The following SCN9A variants were observed in gnomAD, a reference collection of about 807,000 sequenced individuals.
SCN9A encodes sodium voltage-gated channel alpha subunit 9, also known as sodium channel protein type 9 subunit alpha.
SCN9A carries 131 observed loss-of-function variants against 187.0 expected under a neutral mutation model. The observed-to-expected ratio is 0.70, with a 90% CI of 0.61 to 0.81. SCN9A has a LOEUF of 0.81. Ranked by LOEUF, SCN9A falls within the 30% of genes least tolerant of loss-of-function variation. The pLI, the probability that SCN9A is intolerant of heterozygous loss-of-function variation, is 0.00. For missense variants in SCN9A, 2,252 were observed against 2,396.6 expected (o/e 0.94, Z 1.26); for synonymous variants, 809 against 808.6 (o/e 1.00, Z -0.01).
At chr2:166,289,934 A>G (rs183697371) in intron 9 of SCN9A, among the ~76,000 whole-genome samples, 2 of 152,148 alleles carry the variant, frequency 1.3e-5, no homozygotes, top group African/African-American at 4.8e-5. Context: ...GTTATGGGAT[A>G]CATGTGAAGA....
intron 5 of SCN9A, among the ~76,000 whole-genome samples, chr2:166,305,264 T>C (rs1037124483): frequency 6.6e-6 from 1 of 152,108 alleles, no homozygotes; most frequent in African/African-American, 2.4e-5. Context: ...AATTATACTG[T>C]AATGTAATAT....
intron 24 of SCN9A, among the ~76,000 whole-genome samples, chr2:166,216,958 G>T (rs1694356056): frequency 6.6e-6 from 1 of 151,792 alleles, no homozygotes; most frequent in Non-Finnish European, 1.5e-5. Flanking sequence ...AGCTAGAGGT[G>T]CAATACTCTG....
At chr2:166,259,500 T>C (rs1318788964) in intron 17 of SCN9A, among the ~76,000 whole-genome samples, 1 of 151,778 alleles carries the variant, frequency 6.6e-6, no homozygotes, top group Non-Finnish European at 1.5e-5. Flanking sequence ...AAACAATCAA[T>C]TAAACAGTTA....
rs939334143 is a variant in SCN9A, at chr2:166,303,999, A to G, written c.688+239T>C. On this transcript the variant is annotated intron_variant, in intron 6 of 26. Transcript: ENST00000642356. ...TTTATGTCTTTCTTTCAAAAGATCA[A>G]AGTCAGCCCTGGTGTTTAACCCCAC... 2.5e-6 allele frequency: 4 copies of G among 1,592,580 alleles called. No individual in the cohort carries two copies. The African/African-American group carries it at 4.0e-5, about 16-fold the overall frequency.
chr2:166,371,383 T>C (rs990899731), intron 1 of SCN9A, among the ~76,000 whole-genome samples: 1 of 152,192 alleles, frequency 6.6e-6, no homozygotes, highest in Non-Finnish European at 1.5e-5. Flanking sequence ...CCTGGCATTT[T>C]TCCTCACCAC....
At chr2:166,211,144 G>A (rs1182094076) in intron 24 of SCN9A, among the ~76,000 whole-genome samples, 7 of 151,858 alleles carry the variant, frequency 4.6e-5, no homozygotes, top group Non-Finnish European at 8.8e-5. Context: ...AAAGCAGCAA[G>A]AAAAAAACTG....
At chr2:166,221,802 C>T (rs1258694991) in intron 24 of SCN9A, among the ~76,000 whole-genome samples, 1 of 151,872 alleles carries the variant, frequency 6.6e-6, no homozygotes, top group African/African-American at 2.4e-5. Context: ...GATAGAGAGC[C>T]CAGAAATAAA....
chr2:166,347,534 T>A (rs1699930515), intron 1 of SCN9A, among the ~76,000 whole-genome samples: 1 of 152,136 alleles, frequency 6.6e-6, no homozygotes, highest in Non-Finnish European at 1.5e-5. Flanking sequence ...TAAAGAGCTA[T>A]TTAAGTGGAC....
chr2:166,286,484 T>A lies in SCN9A; in HGVS notation c.1454A>T (p.Gln485Leu). ...TTCCTCTCCACTGGAGAGCTTCTTT[T>A]GATTCTTTTTCTTTCTTCTGTTTCT... ...ERRNRRKKKN[Q>L]KKLSSGEEKG... Residue 485 changes from glutamine to leucine, a missense_variant, in exon 11 of 27, where the codon CAA becomes CTA. This residue lies in a region of SCN9A where 1,013 missense variants were observed against 997.4 expected (regional missense o/e 1.02). Transcript: ENST00000642356. The A allele has an allele frequency of 1.9e-6, 3 of 1,613,856 alleles. No homozygotes were observed. Among genetic ancestry groups the A allele is most frequent in the Non-Finnish European group, 2.5e-6 (3 of 1,179,828 alleles).
intron 24 of SCN9A, among the ~76,000 whole-genome samples, chr2:166,209,492 A>G (rs2106355766): frequency 6.6e-6 from 1 of 152,256 alleles, no homozygotes; most frequent in Middle Eastern, 3.4e-3. Flanking sequence ...ATACACACAC[A>G]CACAAAAAGT....
chr2:166,212,531 C>A (rs142402565), intron 24 of SCN9A, among the ~76,000 whole-genome samples: 1 of 152,084 alleles, frequency 6.6e-6, no homozygotes, highest in African/African-American at 2.4e-5. Flanking sequence ...TGCAGCAACA[C>A]CATAACAGTA....
Position 166,280,360 on chromosome 2 carries a change from A to G in SCN9A, c.2340T>C (p.Asn780=). The G allele has an allele frequency of 6.5e-7, 1 of 1,538,486 alleles. No homozygotes were observed. Among genetic ancestry groups the G allele is most frequent in the Non-Finnish European group, 8.9e-7 (1 of 1,127,802 alleles). Residue 780 remains asparagine (N), a synonymous_variant, in exon 14 of 27, where the codon AAT becomes AAC. Transcript: ENST00000642356. Reference sequence around the variant, plus strand: ...TAACACACAATAAGAGACTTACCAAATTTCCTATAGCAAGTACATTTTTGA... The same window carrying G: ...TAACACACAATAAGAGACTTACCAAGTTTCCTATAGCAAGTACATTTTTGA... ...EEFKNVLAIG[N]LVFTGIFAAE... is the part of the protein sequence containing the mutation.
At chr2:166,333,934 T>C (rs1699569423) in intron 1 of SCN9A, among the ~76,000 whole-genome samples, 1 of 152,100 alleles carries the variant, frequency 6.6e-6, no homozygotes, top group Non-Finnish European at 1.5e-5. Context: ...TTTCATCCAT[T>C]TTATCTTTAA....
At chr2:166,290,606 A>G (rs1698018055) in intron 9 of SCN9A, among the ~76,000 whole-genome samples, 1 of 152,136 alleles carries the variant, frequency 6.6e-6, no homozygotes, top group African/African-American at 2.4e-5. Context: ...AATAATCACC[A>G]TTCTGACTGA....
At position 166,242,638 on chromosome 2, in the gene SCN9A, G is replaced by A. The variant is rs1695618545; in HGVS notation, c.3491C>T (p.Ser1164Leu). Residue 1164 changes from serine to leucine, a missense_variant, in exon 19 of 27, where the codon TCA becomes TTA. Transcript: ENST00000642356. ...TGACTCTATGTTAACTTGGCAGCAT[G>A]AGAACCTCCATACACAACCTGACAA... ...CFTDGCVWRF[S>L]CCQVNIESGK... is the part of the protein sequence containing the mutation. The A allele has an allele frequency of 6.4e-7, 1 of 1,551,118 alleles. No homozygotes were observed. The highest frequency in any genetic ancestry group is 1.2e-5 in the South Asian group (1 of 83,972).
intron 1 of SCN9A, among the ~76,000 whole-genome samples, chr2:166,354,157 T>C (rs1050662493): frequency 1.3e-5 from 2 of 152,182 alleles, no homozygotes; most frequent in African/African-American, 4.8e-5. Flanking sequence ...CTTTAATTTA[T>C]GGCACTCTCA....
intron 24 of SCN9A, among the ~76,000 whole-genome samples, chr2:166,215,828 T>A (rs1266255975): frequency 6.8e-6 from 1 of 148,070 alleles, no homozygotes; most frequent in Non-Finnish European, 1.5e-5. Flanking sequence ...TTTAAAGAAG[T>A]AATATGAATT....
intron 18 of SCN9A, among the ~76,000 whole-genome samples, chr2:166,244,363 C>T (rs1000693776): frequency 9.2e-5 from 14 of 151,984 alleles, no homozygotes; most frequent in African/African-American, 3.4e-4. Context: ...CAATGGTGTG[C>T]TGAAAGCAGA....
intron 1 of SCN9A, among the ~76,000 whole-genome samples, chr2:166,336,838 C>G (rs894506045): frequency 6.6e-5 from 10 of 152,098 alleles, no homozygotes; most frequent in African/African-American, 2.4e-4. Context: ...TAAAGGATAC[C>G]TGTGCTGAGT....
Sources: allele counts gnomAD v4.1 joint callset (sites outside exome capture counted in the v4.1 genomes callset), GRCh38; gene constraint gnomAD v4.1.1; regional missense constraint gnomAD v4.1.1; transcripts MANE v1.5; gene names NCBI Gene and HGNC (gene_info 2026-07-23, HGNC 2026-07-21).